The following PICALM variants were observed in gnomAD, a reference collection of about 807,000 sequenced individuals.
PICALM encodes phosphatidylinositol-binding clathrin assembly protein.
A neutral mutation model predicts 80.5 loss-of-function variants in PICALM; 40 were observed. That is an observed-to-expected ratio of 0.50 (90% confidence interval 0.39 to 0.65). The LOEUF is 0.65. Among genes scored for constraint, PICALM ranks in the 30% least tolerant of loss-of-function variants. PICALM has a pLI of 0.00. For synonymous variants in PICALM, 288 were observed against 260.3 expected (o/e 1.11, Z -1.02); for missense variants, 676 against 778.9 (o/e 0.87, Z 1.57).
intron 11 of PICALM, among the ~76,000 whole-genome samples, chr11:85,999,139 T>G (rs530144063): frequency 1.3e-5 from 2 of 152,358 alleles, no homozygotes; most frequent in South Asian, 4.1e-4. Flanking sequence ...ATACAATTGT[T>G]TTTAATTAGT....
At chr11:85,982,467 T>TCGGACTG (rs1193577977) in intron 14 of PICALM, among the ~76,000 whole-genome samples, 1 of 131,736 alleles carries the variant, frequency 7.6e-6, no homozygotes, top group African/African-American at 2.9e-5. Context: ...GTCGCCCAGG[T>TCGGACTG]CGGACTGCGG....
At chr11:86,027,673 T>A (rs938691941) in intron 2 of PICALM, among the ~76,000 whole-genome samples, 1 of 151,928 alleles carries the variant, frequency 6.6e-6, no homozygotes, top group African/African-American at 2.4e-5. Context: ...TACAGGCATG[T>A]CCAGCTCACA....
intron 1 of PICALM, among the ~76,000 whole-genome samples, chr11:86,040,704 T>C (rs1381959299): frequency 6.6e-6 from 1 of 152,178 alleles, no homozygotes; most frequent in Non-Finnish European, 1.5e-5. Flanking sequence ...GTACAAACAG[T>C]ATAGGTGTAT....
Position 85,962,761 on chromosome 11 carries a change from A to G in PICALM, c.1945-3701T>C, listed in dbSNP as rs186928661. ...AAGAAAACAAGACAACATCCCTGGA[A>G]TAAGTTTCTTATCATCAATATCTGT... On this transcript the variant is annotated intron_variant, in intron 19 of 19. Transcript: ENST00000393346. 5.5e-4 allele frequency among the ~76,000 whole-genome samples: 84 copies of G among 152,358 alleles called. No individual in the cohort carries two copies. In the Middle Eastern group the frequency reaches 0.014, roughly 25 times the overall value.
intron 7 of PICALM, among the ~76,000 whole-genome samples, chr11:86,009,150 G>T (rs2095341429): frequency 6.6e-6 from 1 of 150,746 alleles, no homozygotes; most frequent in Non-Finnish European, 1.5e-5. Flanking sequence ...AAAATTAGCT[G>T]GGCGTGGTGG....
intron 1 of PICALM, among the ~76,000 whole-genome samples, chr11:86,052,287 T>C (rs2096202525): frequency 6.6e-6 from 1 of 152,218 alleles, no homozygotes; most frequent in African/African-American, 2.4e-5. Context: ...GTAAGTTTCC[T>C]GAGGTCTCCC....
Position 85,969,469 on chromosome 11 carries a change from G to A in PICALM, c.1944+5239C>T, listed in dbSNP as rs1162107663. Reference sequence around the variant, plus strand: ...TACCATTTACTTTACCCCATACAAAGAGATGGATGATCTCTGCCCTTAATA... The same window carrying A: ...TACCATTTACTTTACCCCATACAAAAAGATGGATGATCTCTGCCCTTAATA... On this transcript the variant is annotated intron_variant, in intron 19 of 19. Transcript: ENST00000393346. 2.6e-5 allele frequency among the ~76,000 whole-genome samples: 4 copies of A among 152,074 alleles called. No homozygotes were observed. The East Asian group carries it at 5.8e-4, about 22-fold the overall frequency.
intron 2 of PICALM, among the ~76,000 whole-genome samples, chr11:86,028,447 G>A (rs531488235): frequency 6.6e-6 from 1 of 152,166 alleles, no homozygotes; most frequent in South Asian, 2.1e-4. Flanking sequence ...TACCCAAAAT[G>A]GTATTAAATA....
intron 1 of PICALM, among the ~76,000 whole-genome samples, chr11:86,045,547 A>AAAAAAAAAAAACC (rs2096059353): frequency 7.0e-6 from 1 of 143,548 alleles, no homozygotes; most frequent in African/African-American, 2.6e-5. Flanking sequence ...AAAAAAAAAG[A>AAAAAAAAAAAACC]CTCCATATAA....
intron 1 of PICALM, among the ~76,000 whole-genome samples, chr11:86,063,254 TGAAA>T: frequency 6.6e-6 from 1 of 152,180 alleles, no homozygotes; most frequent in East Asian, 1.9e-4. Flanking sequence ...ACAAAGCGTA[TGAAA>T]GAAAAATGTC....
chr11:85,999,255 T>C (rs974547198), intron 11 of PICALM, among the ~76,000 whole-genome samples: 2 of 152,042 alleles, frequency 1.3e-5, no homozygotes, highest in African/African-American at 4.8e-5. Context: ...GTGTAGATAG[T>C]AGATATAAAC....
At chr11:85,965,818 T>G (rs1175330824) in intron 19 of PICALM, among the ~76,000 whole-genome samples, 37 of 113,012 alleles carry the variant, frequency 3.3e-4, no homozygotes, top group African/African-American at 1.1e-3. Context: ...TTTTTTTGTT[T>G]TTTTTTTTTT....
chr11:85,993,127 C>G (rs1370023579), intron 12 of PICALM, among the ~76,000 whole-genome samples: 4 of 150,056 alleles, frequency 2.7e-5, no homozygotes, highest in African/African-American at 4.9e-5. Flanking sequence ...GCTCTGTTGC[C>G]TAGGTTGGAA....
chr11:85,968,148 A>G (rs1205470313), intron 19 of PICALM, among the ~76,000 whole-genome samples: 3 of 152,186 alleles, frequency 2.0e-5, no homozygotes, highest in Non-Finnish European at 2.9e-5. Flanking sequence ...AGTCTGATGT[A>G]TGCTTGCTCT....
intron 1 of PICALM, among the ~76,000 whole-genome samples, chr11:86,040,813 G>A (rs4943935): frequency 0.19 from 28,542 of 151,908 alleles, 2,966 homozygotes; most frequent in Middle Eastern, 0.24. Context: ...GAAATGACCC[G>A]GATGCAATTC....
At chr11:86,059,390 A>G (rs545918567) in intron 1 of PICALM, among the ~76,000 whole-genome samples, 28 of 152,356 alleles carry the variant, frequency 1.8e-4, no homozygotes, top group Non-Finnish European at 3.4e-4. Flanking sequence ...ACAATATTTG[A>G]AACTCTATAA....
intron 1 of PICALM, among the ~76,000 whole-genome samples, chr11:86,036,943 A>C (rs2095850954): frequency 7.4e-6 from 1 of 134,424 alleles, no homozygotes; most frequent in Non-Finnish European, 1.6e-5. Context: ...CTCAACAACA[A>C]CCAAAAAAAA....
Position 85,976,501 on chromosome 11 carries a change from A to G in PICALM, c.1839+122T>C, listed in dbSNP as rs1291121662. ...GAAACCAATGCTATGGTTCTACTGC[A>G]TTAGGCACTAGGGCTAGGAGTATGA... On this transcript the variant is annotated intron_variant, in intron 18 of 19. Transcript: ENST00000393346. The G allele has an allele frequency of 1.1e-5, 7 of 642,510 alleles. No homozygotes were observed. The Middle Eastern group carries it at 1.2e-3, about 107-fold the overall frequency. 39.8% of individuals were successfully genotyped at this position (642,510 alleles called of 1,614,324 possible). A position where few individuals can be genotyped will look rare whatever the true frequency, so the allele number is the denominator to read the frequency against.
intron 17 of PICALM, among the ~76,000 whole-genome samples, chr11:85,979,516 A>C (rs1475536875): frequency 1.3e-5 from 2 of 152,058 alleles, no homozygotes; most frequent in African/African-American, 4.8e-5. Context: ...CAAAATAATA[A>C]AATTAGTGAT....
Sources: gnomAD v4.1 joint callset for allele counts (sites outside exome capture counted in the v4.1 genomes callset) on GRCh38, gnomAD v4.1.1 for gene constraint, MANE v1.5 for transcripts, NCBI Gene and HGNC (gene_info 2026-07-23, HGNC 2026-07-21) for gene names.